The following OSBPL8 variants were observed in gnomAD, a reference collection of about 807,000 sequenced individuals.
OSBPL8 encodes the protein oxysterol-binding protein-related protein 8.
Under a neutral mutation model 125.5 loss-of-function variants are expected in OSBPL8, and 59 were observed. The observed-to-expected ratio is 0.47, with a 90% CI of 0.38 to 0.58. The LOEUF (loss-of-function observed/expected upper bound fraction) is 0.58, where lower values mean the gene tolerates loss of function less well. Among genes scored for constraint, OSBPL8 ranks in the 20% least tolerant of loss-of-function variants. OSBPL8 has a pLI of 0.00. For synonymous variants in OSBPL8, 330 were observed against 338.9 expected (o/e 0.97, Z 0.29); for missense variants, 758 against 1,047.8 (o/e 0.72, Z 3.82).
intron 2 of OSBPL8, among the ~76,000 whole-genome samples, chr12:76,462,951 A>AC (rs1874927162): frequency 3.3e-5 from 5 of 152,210 alleles, no homozygotes; most frequent in Admixed American, 6.5e-5. Context: ...TCAGAGGGGT[A>AC]AACAGATGTC....
chr12:76,373,553 A>C (rs1475791498), intron 17 of OSBPL8, 120 bp from the exon 18 acceptor site: 1 of 523,314 alleles, frequency 1.9e-6, no homozygotes, highest in East Asian at 3.2e-5. Context: ...TGAATGCACA[A>C]GCAGTAAAAA....
At chr12:76,539,451 T>C (rs1324758091) in intron 1 of OSBPL8, among the ~76,000 whole-genome samples, 1 of 151,956 alleles carries the variant, frequency 6.6e-6, no homozygotes, top group Non-Finnish European at 1.5e-5. Context: ...CTAAGAAGAC[T>C]ATGGACAAAG....
At chr12:76,493,344 T>C (rs36037778) in intron 1 of OSBPL8, among the ~76,000 whole-genome samples, 31,004 of 152,140 alleles carry the variant, frequency 0.2, 3,400 homozygotes, top group Non-Finnish European at 0.26. Context: ...CATGTTTTCA[T>C]GTTACTAATT....
At chr12:76,430,860 C>T (rs749461292) in intron 4 of OSBPL8, among the ~76,000 whole-genome samples, 10 of 152,130 alleles carry the variant, frequency 6.6e-5, no homozygotes, top group Non-Finnish European at 1.2e-4. Flanking sequence ...ACCTGCCTTA[C>T]AATAAGTGCC....
At chr12:76,468,247 T>G (rs979467128) in intron 2 of OSBPL8, among the ~76,000 whole-genome samples, 9 of 152,068 alleles carry the variant, frequency 5.9e-5, no homozygotes, top group Non-Finnish European at 1.3e-4. Context: ...CACCCTATTC[T>G]TTTAAAAATA....
chr12:76,471,864 A>G (rs1876178245), intron 2 of OSBPL8, among the ~76,000 whole-genome samples: 1 of 152,230 alleles, frequency 6.6e-6, no homozygotes, highest in South Asian at 2.1e-4. Flanking sequence ...TTTGCCTACA[A>G]TGCCATTCTC....
chr12:76,497,804 A>G lies in OSBPL8; in HGVS notation c.-67-10186T>C, dbSNP rs181358389. 3.3e-5 allele frequency among the ~76,000 whole-genome samples: 5 copies of G among 152,324 alleles called. No individual in the cohort carries two copies. In the East Asian group the frequency reaches 9.6e-4, roughly 29 times the overall value. ...GACAGGAGTTTCTTTTGATTCTCTA[A>G]TAACAGAAGAGACTCTTATATAACA... On this transcript the variant is annotated intron_variant, in intron 1 of 23. Transcript: ENST00000261183.
At chr12:76,517,869 A>G (rs1465960080) in intron 1 of OSBPL8, among the ~76,000 whole-genome samples, 1 of 152,164 alleles carries the variant, frequency 6.6e-6, no homozygotes, top group Non-Finnish European at 1.5e-5. Flanking sequence ...TCAGAGCAAG[A>G]GCTCTCATTA....
At chr12:76,383,628 C>T (rs1953159070) in intron 15 of OSBPL8, among the ~76,000 whole-genome samples, 1 of 151,830 alleles carries the variant, frequency 6.6e-6, no homozygotes, top group South Asian at 2.1e-4. Context: ...GTTTAAAATT[C>T]TTTGGTTGAA....
rs1014009015 is a variant in OSBPL8 at position 76,354,782 on chromosome 12, T to TA, written c.*1106dup. 1.3e-5 allele frequency: 2 copies of TA among 151,902 alleles called. No homozygotes were observed. The highest frequency in any genetic ancestry group is 4.8e-5 in the African/African-American group (2 of 41,418). The allele number at this position is 151,902 out of a possible 1,614,324, so 9.4% of individuals were successfully genotyped here. ...AGTTACTAAGAAGAGAGGAGGATAA[T>TA]AAAAAAATTAAACTTCAGAACTTGA... On this transcript the variant is annotated 3_prime_UTR_variant, in exon 24 of 24. Transcript: ENST00000261183.
intron 4 of OSBPL8, among the ~76,000 whole-genome samples, chr12:76,450,254 T>C (rs115037279): frequency 0.011 from 1,612 of 152,216 alleles, 39 homozygotes; most frequent in African/African-American, 0.037. Context: ...ATATAATGCA[T>C]AGGACAGCCC....
intron 4 of OSBPL8, among the ~76,000 whole-genome samples, chr12:76,442,670 T>C (rs1394483891): frequency 6.6e-6 from 1 of 152,172 alleles, no homozygotes; most frequent in African/African-American, 2.4e-5. Context: ...TTCCAAAATA[T>C]AACATATTCA....
intron 2 of OSBPL8, among the ~76,000 whole-genome samples, chr12:76,461,936 C>T (rs1170834690): frequency 6.6e-6 from 1 of 152,200 alleles, no homozygotes; most frequent in Non-Finnish European, 1.5e-5. Flanking sequence ...TAACATAACA[C>T]TGGAAAACTG....
chr12:76,478,853 A>G (rs1030916827), intron 2 of OSBPL8, among the ~76,000 whole-genome samples: 2 of 152,172 alleles, frequency 1.3e-5, no homozygotes, highest in African/African-American at 2.4e-5. Context: ...TGGGAGGCCG[A>G]GGCGGGTGGA....
chr12:76,446,074 A>G (rs1476061262), intron 4 of OSBPL8, among the ~76,000 whole-genome samples: 1 of 152,164 alleles, frequency 6.6e-6, no homozygotes, highest in Non-Finnish European at 1.5e-5. Flanking sequence ...TGGGGGGAAT[A>G]ATGATTTATA....
intron 5 of OSBPL8, among the ~76,000 whole-genome samples, chr12:76,406,887 A>C (rs1954283028): frequency 6.6e-6 from 1 of 152,166 alleles, no homozygotes. Flanking sequence ...TGCTGGGATT[A>C]CAAGCATAAG....
chr12:76,544,840 TAA>T (rs1023727587), intron 1 of OSBPL8, among the ~76,000 whole-genome samples: 3 of 141,158 alleles, frequency 2.1e-5, no homozygotes, highest in African/African-American at 2.6e-5. Flanking sequence ...ACACTGAGTC[TAA>T]AAAAAAAAAA....
chr12:76,375,305 C>T lies in OSBPL8; in HGVS notation c.1795G>A (p.Gly599Arg). The change falls in exon 17 of 24, where the codon GGA (glycine) becomes AGA (arginine). Residue 599 changes from glycine to arginine, a missense_variant. Coordinates refer to ENST00000261183, the MANE Select transcript of OSBPL8 (RefSeq NM_020841.5). ...GTVNITCQKT[G>R]YSAILEFKLK... ...TTAAATTCAAGTATTGCACTGTATC[C>T]AGTTTTTTGACATGTAATATTGACT... The T allele has an allele frequency of 6.2e-7, 1 of 1,611,482 alleles. No homozygotes were observed.
intron 2 of OSBPL8, among the ~76,000 whole-genome samples, chr12:76,466,803 A>G (rs761743126): frequency 2.6e-5 from 4 of 152,064 alleles, no homozygotes; most frequent in Non-Finnish European, 5.9e-5. Context: ...TACTAAAAAT[A>G]CAAAAAATTA....
Sources: allele counts gnomAD v4.1 joint callset (sites outside exome capture counted in the v4.1 genomes callset), GRCh38; gene constraint gnomAD v4.1.1; transcripts MANE v1.5; gene names NCBI Gene and HGNC (gene_info 2026-07-23, HGNC 2026-07-21).